The following NEGR1 variants were observed in gnomAD, a reference collection of about 807,000 sequenced individuals.
The protein encoded by NEGR1 is neuronal growth regulator 1, also known as IgLON family member 4.
In NEGR1, 10 loss-of-function variants were observed where a neutral mutation model predicts 40.9. That is an observed-to-expected ratio of 0.24 (90% confidence interval 0.15 to 0.42). The LOEUF (loss-of-function observed/expected upper bound fraction) is 0.42. Among genes scored for constraint, NEGR1 ranks in the 10% least tolerant of loss-of-function variants. The pLI is 1.00. For synonymous variants in NEGR1, 185 were observed against 166.8 expected (o/e 1.11, Z -0.84); for missense variants, 352 against 438.9 (o/e 0.80, Z 1.77).
chr1:72,279,705 C>T (rs1382190081), intron 1 of NEGR1, among the ~76,000 whole-genome samples: 2 of 152,090 alleles, frequency 1.3e-5, no homozygotes, highest in African/African-American at 4.8e-5. Context: ...CGATGCATCA[C>T]CTGAGTTGCC....
chr1:71,723,132 A>C (rs1363791590), intron 3 of NEGR1, among the ~76,000 whole-genome samples: 1 of 152,056 alleles, frequency 6.6e-6, no homozygotes, highest in Non-Finnish European at 1.5e-5. Context: ...GTTTTTAGTA[A>C]TTTGACTGTA....
At chr1:72,211,372 A>C (rs1653601363) in intron 1 of NEGR1, among the ~76,000 whole-genome samples, 1 of 151,750 alleles carries the variant, frequency 6.6e-6, no homozygotes, top group Non-Finnish European at 1.5e-5. Context: ...TCTGCAATGC[A>C]AAGTGGTAAA....
chr1:72,162,705 G>T (rs1470095971), intron 1 of NEGR1, among the ~76,000 whole-genome samples: 2 of 152,068 alleles, frequency 1.3e-5, no homozygotes, highest in African/African-American at 2.4e-5. Context: ...CAAACCTCCA[G>T]AAATCCCCTG....
chr1:72,201,148 T>C, intron 1 of NEGR1, among the ~76,000 whole-genome samples: 1 of 151,800 alleles, frequency 6.6e-6, no homozygotes, highest in Admixed American at 6.6e-5. Flanking sequence ...CAGATAATTG[T>C]ATTACATACA....
At chr1:71,811,655 T>C (rs1165713965) in intron 2 of NEGR1, among the ~76,000 whole-genome samples, 1 of 150,920 alleles carries the variant, frequency 6.6e-6, no homozygotes, top group Non-Finnish European at 1.5e-5. Context: ...TCTCTAGACA[T>C]GTAAAGCAAC....
At chr1:71,911,259 AT>A (rs1342610642) in intron 2 of NEGR1, among the ~76,000 whole-genome samples, 1 of 152,192 alleles carries the variant, frequency 6.6e-6, no homozygotes, top group Non-Finnish European at 1.5e-5. Context: ...TGGTATAAAA[AT>A]AAAGCAATAT....
chr1:71,719,631 T>TTTA (rs1553160891), intron 3 of NEGR1, among the ~76,000 whole-genome samples: 1 of 152,082 alleles, frequency 6.6e-6, no homozygotes, highest in Non-Finnish European at 1.5e-5. Flanking sequence ...TGTTTTTTTT[T>TTTA]TTATTATTAT....
Position 71,745,598 on chromosome 1 carries a change from C to T in NEGR1, c.535+30574G>A, listed in dbSNP as rs191305563. On this transcript the variant is annotated intron_variant, in intron 3 of 6. Coordinates refer to ENST00000357731, the MANE Select transcript of NEGR1 (RefSeq NM_173808.3). ...TGGCTTATGAGACAATCTACCACCC[C>T]AGTTTCTGGACTGTAAAAATTTTGG... Among the ~76,000 whole-genome samples, 10 of 152,226 alleles carry T rather than the reference C, an allele frequency of 6.6e-5. No individual in the cohort carries two copies. The East Asian group carries it at 1.9e-3, about 29-fold the overall frequency.
At chr1:71,413,971 ATT>A (rs2101266687) in intron 6 of NEGR1, among the ~76,000 whole-genome samples, 1 of 152,198 alleles carries the variant, frequency 6.6e-6, no homozygotes, top group African/African-American at 2.4e-5. Flanking sequence ...TTCCCTAGAA[ATT>A]TCCTTAAATT....
chr1:72,059,823 T>C (rs1647149977), intron 1 of NEGR1, among the ~76,000 whole-genome samples: 1 of 151,694 alleles, frequency 6.6e-6, no homozygotes, highest in Non-Finnish European at 1.5e-5. Flanking sequence ...ACATTATGCA[T>C]GTTAAATCTT....
At chr1:71,767,930 G>A (rs758079662) in intron 3 of NEGR1, among the ~76,000 whole-genome samples, 2 of 152,184 alleles carry the variant, frequency 1.3e-5, no homozygotes, top group Non-Finnish European at 2.9e-5. Context: ...CATAACCTTT[G>A]GCAGCTTTGA....
At chr1:72,280,182 A>G (rs1161424020) in intron 1 of NEGR1, among the ~76,000 whole-genome samples, 1 of 152,162 alleles carries the variant, frequency 6.6e-6, no homozygotes, top group South Asian at 2.1e-4. Flanking sequence ...CACTGGAAAT[A>G]TATGGTCCCC....
At chr1:71,985,412 A>G (rs1260219506) in intron 1 of NEGR1, among the ~76,000 whole-genome samples, 1 of 152,188 alleles carries the variant, frequency 6.6e-6, no homozygotes, top group African/African-American at 2.4e-5. Flanking sequence ...TATGTGTAAT[A>G]GTTCATTTAA....
intron 4 of NEGR1, among the ~76,000 whole-genome samples, chr1:71,656,942 T>C (rs921796460): frequency 6.6e-6 from 1 of 152,188 alleles, no homozygotes; most frequent in African/African-American, 2.4e-5. Context: ...TGTCCCAAAA[T>C]TGGCCCAAAG....
intron 1 of NEGR1, among the ~76,000 whole-genome samples, chr1:72,192,495 C>A (rs1021551822): frequency 1.6e-4 from 24 of 151,904 alleles, no homozygotes; most frequent in African/African-American, 5.5e-4. Flanking sequence ...ACTGATTCCA[C>A]ATACCTTCCC....
At chr1:71,672,483 A>G (rs557819626) in intron 4 of NEGR1, among the ~76,000 whole-genome samples, 2 of 152,318 alleles carry the variant, frequency 1.3e-5, no homozygotes, top group Non-Finnish European at 2.9e-5. Flanking sequence ...AGATCCTGGC[A>G]GAGTGATATA....
At chr1:72,143,914 A>AATATATATATATATATATATATATAT (rs61582804) in intron 1 of NEGR1, among the ~76,000 whole-genome samples, 9 of 130,596 alleles carry the variant, frequency 6.9e-5, no homozygotes, top group African/African-American at 2.7e-4. Flanking sequence ...TGATATATAT[A>AATATATATATATATATATATATATAT]ATATATATAT....
At chr1:71,449,593 A>T (rs899364505) in intron 6 of NEGR1, among the ~76,000 whole-genome samples, 5 of 152,244 alleles carry the variant, frequency 3.3e-5, no homozygotes, top group Non-Finnish European at 2.9e-5. Flanking sequence ...AGTAAATTTT[A>T]AGTTCAAATT....
At chr1:71,622,115 T>C (rs1650627826) in intron 4 of NEGR1, among the ~76,000 whole-genome samples, 1 of 151,886 alleles carries the variant, frequency 6.6e-6, no homozygotes, top group Non-Finnish European at 1.5e-5. Flanking sequence ...CACTGTAAAA[T>C]ATGTGTGAAA....
Sources: allele counts gnomAD v4.1 joint callset (sites outside exome capture counted in the v4.1 genomes callset), GRCh38; gene constraint gnomAD v4.1.1; transcripts MANE v1.5; gene names NCBI Gene and HGNC (gene_info 2026-07-23, HGNC 2026-07-21).